The following ATP8A1 variants were observed in gnomAD, a reference collection of about 807,000 sequenced individuals.
ATP8A1 encodes phospholipid-transporting ATPase IA.
A neutral mutation model predicts 177.7 loss-of-function variants in ATP8A1; 90 were observed. The ratio of observed to expected loss-of-function variants is 0.51; its 90% CI spans 0.43 to 0.60. The LOEUF (loss-of-function observed/expected upper bound fraction) is 0.60, where lower values mean the gene tolerates loss of function less well. ATP8A1 is among the 20% of genes least tolerant of loss of function. ATP8A1 has a pLI of 0.00. For missense variants in ATP8A1, 1,072 were observed against 1,392.8 expected, an observed-to-expected ratio of 0.77 and a Z score of 3.67; for synonymous variants, 493 against 485.9, an observed-to-expected ratio of 1.01 and a Z score of -0.19.
intron 12 of ATP8A1, 67 bp downstream of exon 12, chr4:42,578,193 G>A (rs1732665589): frequency 1.6e-5 from 23 of 1,398,722 alleles, no homozygotes; most frequent in Non-Finnish European, 2.1e-5. Flanking sequence ...TTTTTCTCCT[G>A]AGATATCAAA....
rs761117202 is a variant in ATP8A1, at chr4:42,552,568, C to A, written c.1456G>T (p.Val486Phe). 6.2e-7 allele frequency: 1 copy of A among 1,613,760 alleles called. No homozygotes were observed. Among genetic ancestry groups the A allele is most frequent in the Non-Finnish European group, 8.5e-7 (1 of 1,179,920 alleles). ...CGCTCTGGCACTGCTGTGTGACAGA[C>A]TGCCATCATTGTAAGAAATTCACAT... The part of the protein sequence containing the change: ...IICEFLTMMA[V>F]CHTAVPEREG... The change falls in exon 17 of 37, where the codon GTC becomes TTC. Residue 486 changes from valine to phenylalanine, a missense_variant. Around this residue, in one of 5 missense-constraint regions of ATP8A1, gnomAD observed 388 missense variants for 471.7 expected, o/e 0.82. Coordinates refer to ENST00000381668, the MANE Select transcript of ATP8A1 (RefSeq NM_006095.2).
intron 15 of ATP8A1, among the ~76,000 whole-genome samples, chr4:42,564,619 C>G (rs1731175438): frequency 6.6e-6 from 1 of 152,192 alleles, no homozygotes; most frequent in Admixed American, 6.5e-5. Context: ...CTGTATTTAT[C>G]CCATGCCTAT....
At chr4:42,566,052 A>G (rs1346301748) in intron 15 of ATP8A1, among the ~76,000 whole-genome samples, 2 of 152,298 alleles carry the variant, frequency 1.3e-5, no homozygotes, top group Non-Finnish European at 2.9e-5. Context: ...TTATCTCTAT[A>G]AACTATTTAT....
intron 23 of ATP8A1, among the ~76,000 whole-genome samples, chr4:42,506,512 T>C (rs1372258270): frequency 6.6e-6 from 1 of 152,138 alleles, no homozygotes; most frequent in Non-Finnish European, 1.5e-5. Context: ...AGCACTGTAA[T>C]GCAATAGGAC....
chr4:42,524,909 G>T, intron 20 of ATP8A1, 62 bp from the exon 21 acceptor site: 1 of 1,105,978 alleles, frequency 9.0e-7, no homozygotes. Flanking sequence ...TAAAGTTGAT[G>T]TTGGTAACAA....
intron 15 of ATP8A1, among the ~76,000 whole-genome samples, chr4:42,565,818 GA>G (rs1433218240): frequency 2.0e-5 from 3 of 152,102 alleles, no homozygotes; most frequent in Admixed American, 6.5e-5. Flanking sequence ...AATAATTATA[GA>G]AATATATAGT....
intron 33 of ATP8A1, among the ~76,000 whole-genome samples, chr4:42,424,549 T>C (rs978111441): frequency 6.6e-6 from 1 of 152,176 alleles, no homozygotes; most frequent in Non-Finnish European, 1.5e-5. Context: ...CTAAAAATCA[T>C]GCAAAATTAA....
intron 24 of ATP8A1, among the ~76,000 whole-genome samples, chr4:42,499,243 G>C (rs1007225835): frequency 6.6e-6 from 1 of 152,036 alleles, no homozygotes; most frequent in East Asian, 1.9e-4. Context: ...AGCTTTTGAG[G>C]GTAGGAAATT....
intron 1 of ATP8A1, among the ~76,000 whole-genome samples, chr4:42,654,362 ACATCTGGCC>A (rs1444283537): frequency 4.6e-5 from 7 of 152,154 alleles, no homozygotes; most frequent in African/African-American, 1.7e-4. Context: ...TGACAGTCAT[ACATCTGGCC>A]AATCTGGATG....
chr4:42,539,396 C>CCA (rs755334447), intron 20 of ATP8A1, among the ~76,000 whole-genome samples: 1 of 16,024 alleles, frequency 6.2e-5, no homozygotes, highest in African/African-American at 1.3e-4. Flanking sequence ...AAATAAAATA[C>CCA]CCCCCCCCCA....
intron 1 of ATP8A1, among the ~76,000 whole-genome samples, chr4:42,647,098 C>A (rs1234462160): frequency 2.9e-5 from 3 of 102,456 alleles, no homozygotes; most frequent in African/African-American, 9.9e-5. Flanking sequence ...TTACATAAAA[C>A]CTCTAAACTG....
chr4:42,543,996 A>G lies in ATP8A1; in HGVS notation c.1653-10T>C. On this transcript the variant is annotated splice_polypyrimidine_tract_variant and intron_variant, in intron 19 of 36. Coordinates refer to ENST00000381668, the MANE Select transcript of ATP8A1 (RefSeq NM_006095.2). ...CATTCTTTTCCTAGCACTGAAAGAAAGAGGTTTTGCATAATGTGTCATCAT... is the reference window on the plus strand; with the variant it reads ...CATTCTTTTCCTAGCACTGAAAGAAGGAGGTTTTGCATAATGTGTCATCAT... 6.2e-7 allele frequency: 1 copy of G among 1,612,040 alleles called. No homozygotes were observed. The highest frequency in any genetic ancestry group is 2.2e-5 in the East Asian group (1 of 44,810).
At chr4:42,450,148 G>A (rs567538935) in intron 30 of ATP8A1, among the ~76,000 whole-genome samples, 3 of 152,200 alleles carry the variant, frequency 2.0e-5, no homozygotes, top group East Asian at 1.9e-4. Flanking sequence ...TAAAAAATGT[G>A]GCATATCTAT....
chr4:42,465,174 A>T lies in ATP8A1; in HGVS notation c.2325-98T>A. 2.8e-6 allele frequency: 3 copies of T among 1,059,532 alleles called. No individual in the cohort carries two copies. In the Middle Eastern group the frequency reaches 7.2e-4, roughly 253 times the overall value. 65.6% of individuals were successfully genotyped at this position (1,059,532 alleles called of 1,614,324 possible). A position where few individuals can be genotyped will look rare whatever the true frequency, so the allele number is the denominator to read the frequency against. On this transcript the variant is annotated intron_variant, in intron 25 of 36. Transcript: ENST00000381668. ...TAAAAGATGCAAAAGACCTAAATGA[A>T]TAGTTCTCTGAAGAAACCTTATGAT... is the stretch of plus-strand genomic sequence containing the variant.
At chr4:42,559,632 G>A (rs1275614422) in intron 15 of ATP8A1, among the ~76,000 whole-genome samples, 1 of 152,088 alleles carries the variant, frequency 6.6e-6, no homozygotes, top group Non-Finnish European at 1.5e-5. Context: ...TTGTTTAACT[G>A]GTATAAAATA....
intron 30 of ATP8A1, among the ~76,000 whole-genome samples, chr4:42,449,441 G>A (rs1460000276): frequency 1.3e-5 from 2 of 152,154 alleles, no homozygotes; most frequent in African/African-American, 2.4e-5. Context: ...AGGGTCTTGG[G>A]TATTCCCAGG....
intron 30 of ATP8A1, among the ~76,000 whole-genome samples, chr4:42,451,394 T>A (rs1717916047): frequency 6.6e-6 from 1 of 152,202 alleles, no homozygotes; most frequent in Non-Finnish European, 1.5e-5. Flanking sequence ...CAGCACCAGC[T>A]TAAGAATCAC....
chr4:42,491,174 G>A (rs1368956782), intron 24 of ATP8A1, among the ~76,000 whole-genome samples: 1 of 152,040 alleles, frequency 6.6e-6, no homozygotes, highest in Non-Finnish European at 1.5e-5. Context: ...ATTTTAAATT[G>A]TCTAGTGAAT....
intron 20 of ATP8A1, among the ~76,000 whole-genome samples, chr4:42,541,549 G>A (rs1260947226): frequency 1.3e-5 from 2 of 152,084 alleles, no homozygotes; most frequent in African/African-American, 4.8e-5. Context: ...GAAAACCTAT[G>A]TTTACACAAA....
Sources: gnomAD v4.1 joint callset for allele counts (sites outside exome capture counted in the v4.1 genomes callset) on GRCh38, gnomAD v4.1.1 for gene constraint, gnomAD v4.1.1 regional missense constraint, MANE v1.5 for transcripts, NCBI Gene and HGNC (gene_info 2026-07-23, HGNC 2026-07-21) for gene names.